Variants in CILP observed in about 807,000 individuals in gnomAD.
CILP encodes the protein cartilage intermediate layer protein, also known as cartilage intermediate layer protein 1.
In CILP, 75 loss-of-function variants were observed where a neutral mutation model predicts 82.5. The observed-to-expected ratio is 0.91, with a 90% CI of 0.75 to 1.10. CILP has a LOEUF of 1.10. Ranked by LOEUF, CILP falls within the 50% of genes least tolerant of loss-of-function variation. The pLI is 0.00. For synonymous variants in CILP, 530 were observed against 580.3 expected, an observed-to-expected ratio of 0.91 and a Z score of 1.25; for missense variants, 1,479 against 1,530.8, an observed-to-expected ratio of 0.97 and a Z score of 0.56.
intron 8 of CILP, among the ~76,000 whole-genome samples, chr15:65,201,164 G>A (rs2088446774): frequency 6.6e-6 from 1 of 152,104 alleles, no homozygotes; most frequent in South Asian, 2.1e-4. Flanking sequence ...ACCATGCCTG[G>A]CTAATTTTTG....
At position 65,197,345 on chromosome 15, in the gene CILP, C is replaced by T. The variant is rs2088381277; in HGVS notation, c.2941G>A (p.Val981Met). The T allele has an allele frequency of 1.2e-6, 2 of 1,614,176 alleles. No homozygotes were observed. Among genetic ancestry groups the T allele is most frequent in the Non-Finnish European group, 8.5e-7 (1 of 1,180,030 alleles). Residue 981 changes from valine (V) to methionine (M), a missense_variant, in exon 9 of 9, where the codon GTG becomes ATG. Coordinates refer to ENST00000261883, the MANE Select transcript of CILP (RefSeq NM_003613.4). ...TCTCGGATTCCATACAGCTTCCCCACTGTCTGCCGATGAGTGCCCCCCATG... is the reference window on the plus strand; with the variant it reads ...TCTCGGATTCCATACAGCTTCCCCATTGTCTGCCGATGAGTGCCCCCCATG... ...RNMGGTHRQT[V>M]GKLYGIRDVR...
rs770435086 is a variant in CILP, at chr15:65,198,319, G to A, written c.1967C>T (p.Thr656Met). The A allele has an allele frequency of 2.9e-5, 47 of 1,614,126 alleles. No homozygotes were observed. The highest frequency in any genetic ancestry group is 3.5e-5 in the Non-Finnish European group (41 of 1,180,054). ...GAAGTCCACAGAGAACATGCCATAC[G>A]TCCGAAGGGGGAAAGTGTCTCCTTC... is the stretch of plus-strand genomic sequence containing the variant. Reference protein sequence around the residue: ...NDEGDTFPLRTYGMFSVDFRD... With the variant: ...NDEGDTFPLRMYGMFSVDFRD... The change falls in exon 9 of 9, where the codon ACG (threonine) becomes ATG (methionine). Residue 656 changes from threonine (T) to methionine (M), a missense_variant. By Grantham distance (81) the Thr-to-Met change is moderately conservative. Coordinates refer to ENST00000261883, the MANE Select transcript of CILP (RefSeq NM_003613.4).
In CILP at chr15:65,196,946, C is replaced by T. The variant is rs61735530; in HGVS notation, c.3340G>A (p.Ala1114Thr). Residue 1114 changes from alanine (A) to threonine (T), a missense_variant, in exon 9 of 9, where the codon GCC (alanine) becomes ACC (threonine). Coordinates refer to ENST00000261883, the MANE Select transcript of CILP (RefSeq NM_003613.4). Reference sequence around the variant, plus strand: ...CTCTCTACACAGTTGAAGGTGAGGGCTACTCCCACATTGCTCTTCATGATT... The same window carrying T: ...CTCTCTACACAGTTGAAGGTGAGGGTTACTCCCACATTGCTCTTCATGATT... ...SRIMKSNVGV[A>T]LTFNCVERQV... The T allele has an allele frequency of 6.2e-7, 1 of 1,613,692 alleles. No individual in the cohort carries two copies. Among genetic ancestry groups the T allele is most frequent in the Non-Finnish European group, 8.5e-7 (1 of 1,179,824 alleles).
rs769347962 is a variant in CILP at position 65,198,092 on chromosome 15, C to G, written c.2194G>C (p.Gly732Arg). ...NKREDRTFLVGNLEIRERRLF... is the reference protein window; with the variant it reads ...NKREDRTFLVRNLEIRERRLF... ...CTCCTCTCACGAATCTCCAGGTTGC[C>G]CACCAGGAAGGTTCTGTCTTCTCTT... The change falls in exon 9 of 9, where the codon GGC (glycine) becomes CGC (arginine). Residue 732 changes from glycine (G) to arginine (R), a missense_variant. Gly to Arg is a moderately radical substitution (Grantham distance 125). Transcript: ENST00000261883. 16 of 1,614,106 alleles carry G rather than the reference C, an allele frequency of 9.9e-6. No homozygotes were observed. The Admixed American group carries it at 1.8e-4, about 18-fold the overall frequency.
chr15:65,195,323 T>C lies in CILP; in HGVS notation c.*1408A>G, dbSNP rs2088348673. ...AGTGTCCTCTCTTCTCCCAAACCCT[T>C]TGGACTCTTGCCTGACAGATTCTGG... On this transcript the variant is annotated 3_prime_UTR_variant, in exon 9 of 9. Transcript: ENST00000261883. The C allele has an allele frequency of 6.6e-6, 1 of 152,178 alleles. No homozygotes were observed. The highest frequency in any genetic ancestry group is 6.6e-5 in the Admixed American group (1 of 15,258). 9.4% of individuals were successfully genotyped at this position (152,178 alleles called of 1,614,324 possible). A position where few individuals can be genotyped will look rare whatever the true frequency, so the allele number is the denominator to read the frequency against.
chr15:65,196,565 C>T lies in CILP; in HGVS notation c.*166G>A. 1.8e-6 allele frequency: 1 copy of T among 549,866 alleles called. No individual in the cohort carries two copies. Among genetic ancestry groups the T allele is most frequent in the East Asian group, 3.1e-5 (1 of 32,078 alleles). 34.1% of individuals were successfully genotyped at this position (549,866 alleles called of 1,614,324 possible). A position where few individuals can be genotyped will look rare whatever the true frequency, so the allele number is the denominator to read the frequency against. On this transcript the variant is annotated 3_prime_UTR_variant, in exon 9 of 9. Transcript: ENST00000261883. ...CTTTATTGTGCCATTGTGGGGGCCA[C>T]GTGCCAATCAGTAGCATGGGACAAA...
Position 65,198,708 on chromosome 15 carries a change from G to A in CILP, c.1578C>T (p.Phe526=), listed in dbSNP as rs1002368814. ...CAGTGTCCTGGGGGACATGGAGGGT[G>A]AAAGTGCCCTTGTAGCCAGTCATGC... ...RVSMTGYKGT[F]TLHVPQDTER... The change falls in exon 9 of 9, where the codon TTC becomes TTT. Residue 526 remains phenylalanine, a synonymous_variant. Coordinates refer to ENST00000261883, the MANE Select transcript of CILP (RefSeq NM_003613.4). 1.9e-6 allele frequency: 3 copies of A among 1,614,208 alleles called. No homozygotes were observed. The highest frequency in any genetic ancestry group is 2.5e-6 in the Non-Finnish European group (3 of 1,180,036).
Position 65,206,881 on chromosome 15 carries a change from C to G in CILP, c.325G>C (p.Val109Leu). The change falls in exon 4 of 9, where the codon GTC becomes CTC. Residue 109 changes from valine to leucine, a missense_variant. Physicochemically the swap from Val to Leu is conservative, Grantham distance 32. Transcript: ENST00000261883. ...WTPAGSTGQVVHGSPREGFWC... is the reference protein window; with the variant it reads ...WTPAGSTGQVLHGSPREGFWC... ...AAACCCTCACGGGGACTACCATGGA[C>G]CACCTGGCCAGTGCTGCCCGCAGGT... 6.2e-7 allele frequency: 1 copy of G among 1,614,012 alleles called. No individual in the cohort carries two copies. The highest frequency in any genetic ancestry group is 8.5e-7 in the Non-Finnish European group (1 of 1,180,014).
In CILP at chr15:65,197,615, C is replaced by G. The variant is rs1346046399; in HGVS notation, c.2671G>C (p.Gly891Arg). Residue 891 changes from glycine (G) to arginine (R), a missense_variant, in exon 9 of 9, where the codon GGG (glycine) becomes CGG (arginine). Physicochemically the swap from Gly to Arg is moderately radical, Grantham distance 125. Transcript: ENST00000261883. ...AGGTTCTCAAAGGCATAGATGGGCC[C>G]ATTGCTCTCCTCAGCTGAGTTGGGC... is the stretch of plus-strand genomic sequence containing the variant. ...PRPNSAEESN[G>R]PIYAFENLRA... The G allele has an allele frequency of 6.2e-7, 1 of 1,614,114 alleles. No homozygotes were observed. Among genetic ancestry groups the G allele is most frequent in the Non-Finnish European group, 8.5e-7 (1 of 1,180,058 alleles).
At chr15:65,207,575 A>C in intron 3 of CILP, 97 bp downstream of exon 3, 2 of 1,101,858 alleles carry the variant, frequency 1.8e-6, no homozygotes, top group Non-Finnish European at 2.7e-6. Flanking sequence ...GTGGGTTTCC[A>C]TGGGACCCTG....
In CILP at chr15:65,196,029, T is replaced by C. The variant is rs760941684; in HGVS notation, c.*702A>G. On this transcript the variant is annotated 3_prime_UTR_variant, in exon 9 of 9. Transcript: ENST00000261883. ...AATCGAAATACAGAGTATGCATTTA[T>C]TGACATCTGCCCTGGGCTACACTGG... The C allele has an allele frequency of 2.0e-5, 3 of 152,220 alleles. No homozygotes were observed. Among genetic ancestry groups the C allele is most frequent in the Non-Finnish European group, 2.9e-5 (2 of 68,064 alleles). 9.4% of individuals were successfully genotyped at this position (152,220 alleles called of 1,614,324 possible).
rs1364830714 is a variant in CILP at position 65,198,471 on chromosome 15, G to A, written c.1815C>T (p.Ser605=). The change falls in exon 9 of 9, where the codon TCC becomes TCT. Residue 605 remains serine, a synonymous_variant. Coordinates refer to ENST00000261883, the MANE Select transcript of CILP (RefSeq NM_003613.4). The part of the protein sequence containing the change: ...EDPMAELEIP[S]RSFYRQNGEP... Reference sequence around the variant, plus strand: ...CCCCATTCTGCCTGTAGAAACTCCTGGATGGAATCTCCAGTTCAGCCATGG... The same window carrying A: ...CCCCATTCTGCCTGTAGAAACTCCTAGATGGAATCTCCAGTTCAGCCATGG... The A allele has an allele frequency of 1.2e-6, 2 of 1,614,244 alleles. No homozygotes were observed. The highest frequency in any genetic ancestry group is 1.7e-6 in the Non-Finnish European group (2 of 1,180,056).
At chr15:65,203,555 T>C in intron 6 of CILP, 85 bp from the exon 7 acceptor site, 3 of 935,658 alleles carry the variant, frequency 3.2e-6, no homozygotes, top group Non-Finnish European at 5.1e-6. Context: ...CTCAGGGTCT[T>C]TGATGTTGTG....
At chr15:65,199,480 T>C (rs2088424324) in intron 8 of CILP, among the ~76,000 whole-genome samples, 1 of 152,206 alleles carries the variant, frequency 6.6e-6, no homozygotes, top group South Asian at 2.1e-4. Flanking sequence ...CTGAACAACT[T>C]TCACATATCC....
rs776344445 is a variant in CILP at position 65,206,974 on chromosome 15, G to A, written c.232C>T (p.Arg78Cys). 22 of 1,613,880 alleles carry A rather than the reference G, an allele frequency of 1.4e-5. No homozygotes were observed. The highest frequency in any genetic ancestry group is 1.1e-4 in the East Asian group (5 of 44,892). Reference sequence around the variant, plus strand: ...CATACACGGTCCCCATAGTAGAAGCGAATGGCGTCCAGCCGCTCATAGTCG... The same window carrying A: ...CATACACGGTCCCCATAGTAGAAGCAAATGGCGTCCAGCCGCTCATAGTCG... ...KGDYERLDAI[R>C]FYYGDRVCAR... The change falls in exon 4 of 9, where the codon CGC becomes TGC. Residue 78 changes from arginine to cysteine, a missense_variant. Transcript: ENST00000261883.
intron 4 of CILP, among the ~76,000 whole-genome samples, 193 bp downstream of exon 4, chr15:65,206,589 A>G (rs2088519312): frequency 6.6e-6 from 1 of 152,224 alleles, no homozygotes; most frequent in African/African-American, 2.4e-5. Context: ...AAGTTCTGGC[A>G]TTAATGACAC....
rs2140672899 is a variant in CILP at position 65,199,014 on chromosome 15, G to A, written c.1272C>T (p.Ser424=). Residue 424 remains serine (S), a synonymous_variant, in exon 9 of 9, where the codon TCC becomes TCT. Transcript: ENST00000261883. ...PHDCFQNATN[S]FYYDVGRCPV... Reference sequence around the variant, plus strand: ...GGCAGCGTCCCACGTCATAGTAGAAGGAGTTGGTGGCATTCTGAAAGCAAT... The same window carrying A: ...GGCAGCGTCCCACGTCATAGTAGAAAGAGTTGGTGGCATTCTGAAAGCAAT... 2 of 1,609,028 alleles carry A rather than the reference G, an allele frequency of 1.2e-6. No individual in the cohort carries two copies. The highest frequency in any genetic ancestry group is 1.6e-4 in the Middle Eastern group (1 of 6,062).
intron 8 of CILP, among the ~76,000 whole-genome samples, chr15:65,200,519 C>A (rs2088436208): frequency 6.6e-6 from 1 of 152,076 alleles, no homozygotes. Context: ...AAGACAGGCC[C>A]CTGATTGGTC....
intron 4 of CILP, 49 bp downstream of exon 4, chr15:65,206,733 T>A: frequency 1.3e-6 from 2 of 1,548,904 alleles, no homozygotes; most frequent in Non-Finnish European, 1.7e-6. Context: ...TCTCCCTGAG[T>A]AGAGGCCAGT....
Sources: gnomAD v4.1 joint callset for allele counts (sites outside exome capture counted in the v4.1 genomes callset) on GRCh38, gnomAD v4.1.1 for gene constraint, MANE v1.5 for transcripts, NCBI Gene and HGNC (gene_info 2026-07-23, HGNC 2026-07-21) for gene names.